MYT1L: variants seen among roughly 807,000 people sequenced by gnomAD.
MYT1L encodes the protein myelin transcription factor 1-like protein.
MYT1L carries 12 observed loss-of-function variants against 126.7 expected under a neutral mutation model. The ratio of observed to expected loss-of-function variants is 0.09; its 90% CI spans 0.06 to 0.15. The LOEUF (loss-of-function observed/expected upper bound fraction) is 0.15. Among genes scored for constraint, MYT1L ranks in the 10% least tolerant of loss-of-function variants. The pLI, the probability that MYT1L is intolerant of heterozygous loss-of-function variation, is 1.00. For synonymous variants in MYT1L, 541 were observed against 604.2 expected (o/e 0.90, Z 1.53); for missense variants, 979 against 1,585.2 (o/e 0.62, Z 6.49).
intron 2 of MYT1L, among the ~76,000 whole-genome samples, chr2:2,279,356 TATA>T (rs762890896): frequency 1.3e-5 from 2 of 151,084 alleles, no homozygotes; most frequent in Non-Finnish European, 2.9e-5. Flanking sequence ...AAAGAAGTAT[TATA>T]ATGATTAAGC....
At chr2:1,944,252 C>A (rs1248807507) in intron 8 of MYT1L, among the ~76,000 whole-genome samples, 1 of 152,054 alleles carries the variant, frequency 6.6e-6, no homozygotes, top group Non-Finnish European at 1.5e-5. Context: ...CCACGACAGG[C>A]CCCAGTGTGT....
At chr2:2,001,840 G>T (rs894618575) in intron 4 of MYT1L, among the ~76,000 whole-genome samples, 1 of 152,126 alleles carries the variant, frequency 6.6e-6, no homozygotes, top group Admixed American at 6.5e-5. Context: ...GGTACCCCGG[G>T]GATTCTTGGT....
intron 3 of MYT1L, among the ~76,000 whole-genome samples, chr2:2,151,612 C>T (rs2085797867): frequency 1.3e-5 from 2 of 152,142 alleles, no homozygotes; most frequent in Non-Finnish European, 2.9e-5. Context: ...TTCCAAGACC[C>T]CTAGTGGATG....
At chr2:1,865,366 G>A (rs10195388) in intron 18 of MYT1L, among the ~76,000 whole-genome samples, 1 of 152,132 alleles carries the variant, frequency 6.6e-6, no homozygotes, top group Non-Finnish European at 1.5e-5. Context: ...TCAGGGGTGT[G>A]GCCAAAGAGC....
intron 5 of MYT1L, among the ~76,000 whole-genome samples, chr2:1,987,083 C>T (rs1255465383): frequency 1.3e-5 from 2 of 152,210 alleles, no homozygotes; most frequent in South Asian, 2.1e-4. Flanking sequence ...ATATGATTTT[C>T]TAAACTTGAA....
At chr2:1,865,769 C>T (rs766742755) in intron 18 of MYT1L, among the ~76,000 whole-genome samples, 1 of 152,094 alleles carries the variant, frequency 6.6e-6, no homozygotes, top group Non-Finnish European at 1.5e-5. Context: ...AGTACATGCT[C>T]AGTACACAAG....
In MYT1L at chr2:2,215,474, A is replaced by C. The variant is rs1361817513; in HGVS notation, c.-420-42486T>G. On this transcript the variant is annotated intron_variant, in intron 2 of 24. Coordinates refer to ENST00000647738, the MANE Select transcript of MYT1L (RefSeq NM_001303052.2). ...GAAGGTCATTTAAAACAATAAATTA[A>C]TCAAAAGAAAATGACAATCTTAAAT... Among the ~76,000 whole-genome samples the C allele has an allele frequency of 2.6e-5, 4 of 152,246 alleles. 1 individual carries two copies. Among genetic ancestry groups the C allele is most frequent in the African/African-American group, 9.6e-5 (4 of 41,482 alleles).
At chr2:2,109,906 T>TATATAC (rs2079207939) in intron 3 of MYT1L, among the ~76,000 whole-genome samples, 1 of 123,338 alleles carries the variant, frequency 8.1e-6, no homozygotes, top group South Asian at 2.8e-4. Context: ...TATATATATA[T>TATATAC]ATATATATAT....
At chr2:1,901,512 T>C (rs987912554) in intron 14 of MYT1L, among the ~76,000 whole-genome samples, 1 of 152,210 alleles carries the variant, frequency 6.6e-6, no homozygotes, top group African/African-American at 2.4e-5. Flanking sequence ...TTTATCCATT[T>C]ATGTCTGTTT....
At chr2:1,999,951 A>C (rs1321107112) in intron 4 of MYT1L, among the ~76,000 whole-genome samples, 1 of 152,252 alleles carries the variant, frequency 6.6e-6, no homozygotes, top group Non-Finnish European at 1.5e-5. Flanking sequence ...CATATAAAGC[A>C]TGCTCATTGG....
At chr2:2,050,770 G>A (rs911018189) in intron 4 of MYT1L, among the ~76,000 whole-genome samples, 9 of 152,156 alleles carry the variant, frequency 5.9e-5, no homozygotes, top group Admixed American at 3.9e-4. Flanking sequence ...ACTTGGGGTT[G>A]TGTGCAACAG....
intron 4 of MYT1L, among the ~76,000 whole-genome samples, chr2:2,025,568 A>G (rs1177263254): frequency 1.3e-5 from 2 of 152,214 alleles, no homozygotes; most frequent in South Asian, 2.1e-4. Context: ...CTCCACTGGA[A>G]TAGTGTAGGG....
intron 1 of MYT1L, among the ~76,000 whole-genome samples, chr2:2,285,323 A>G (rs922134161): frequency 6.6e-6 from 1 of 152,228 alleles, no homozygotes; most frequent in South Asian, 2.1e-4. Flanking sequence ...AAATGCCACA[A>G]TGAAAAATAA....
At chr2:2,117,578 T>C (rs997197984) in intron 3 of MYT1L, among the ~76,000 whole-genome samples, 1 of 152,202 alleles carries the variant, frequency 6.6e-6, no homozygotes, top group Non-Finnish European at 1.5e-5. Flanking sequence ...ACACAATCCA[T>C]GTTGTGAGAC....
intron 2 of MYT1L, among the ~76,000 whole-genome samples, chr2:2,180,634 G>A (rs566852222): frequency 9.3e-5 from 14 of 150,086 alleles, no homozygotes; most frequent in African/African-American, 3.2e-4. Flanking sequence ...GTAGCTGTGT[G>A]TGCACCTGTA....
chr2:1,871,151 A>T (rs1267164311), intron 18 of MYT1L, among the ~76,000 whole-genome samples: 1 of 152,254 alleles, frequency 6.6e-6, no homozygotes, highest in East Asian at 1.9e-4. Flanking sequence ...GAGTCTGCTA[A>T]CACAGAAAGT....
At chr2:2,002,778 G>A (rs1449111908) in intron 4 of MYT1L, among the ~76,000 whole-genome samples, 1 of 152,094 alleles carries the variant, frequency 6.6e-6, no homozygotes, top group African/African-American at 2.4e-5. Flanking sequence ...ACTGGATCAC[G>A]GGGGCGGGGC....
rs1465241295 is a variant in MYT1L at position 2,022,725 on chromosome 2, C to T, written c.-157-25378G>A. On this transcript the variant is annotated intron_variant, in intron 4 of 24. Coordinates refer to ENST00000647738, the MANE Select transcript of MYT1L (RefSeq NM_001303052.2). ...TCTGAAAAAAAAAAAAAGAAAAGTA[C>T]ACAATATGTGGGTGCACAATGTCAG... Among the ~76,000 whole-genome samples the T allele has an allele frequency of 5.3e-5, 8 of 150,998 alleles. No homozygotes were observed. In the East Asian group the frequency reaches 1.6e-3, roughly 30 times the overall value.
intron 2 of MYT1L, among the ~76,000 whole-genome samples, chr2:2,184,944 G>A (rs1572244017): frequency 6.6e-6 from 1 of 152,274 alleles, no homozygotes; most frequent in East Asian, 1.9e-4. Context: ...GCATTGCTTC[G>A]GGTAAGCTTC....
Sources: gnomAD v4.1 joint callset for allele counts (sites outside exome capture counted in the v4.1 genomes callset) on GRCh38, gnomAD v4.1.1 for gene constraint, MANE v1.5 for transcripts, NCBI Gene and HGNC (gene_info 2026-07-23, HGNC 2026-07-21) for gene names.